The following GPC5 variants were observed in gnomAD, a reference collection of about 807,000 sequenced individuals.
The protein encoded by GPC5 is glypican-5.
GPC5 carries 47 observed loss-of-function variants against 53.9 expected under a neutral mutation model. That is an observed-to-expected ratio of 0.87 (90% CI 0.69 to 1.11). The LOEUF (loss-of-function observed/expected upper bound fraction) is 1.11. Among genes scored for constraint, GPC5 ranks in the 50% most tolerant of loss-of-function variants. The pLI, the probability that GPC5 is intolerant of heterozygous loss-of-function variation, is 0.00. For synonymous variants in GPC5, 286 were observed against 263.3 expected (o/e 1.09, Z -0.84); for missense variants, 748 against 713.1 (o/e 1.05, Z -0.56).
At chr13:92,142,566 CA>C (rs2041839397) in intron 6 of GPC5, among the ~76,000 whole-genome samples, 1 of 152,168 alleles carries the variant, frequency 6.6e-6, no homozygotes, top group Non-Finnish European at 1.5e-5. Context: ...ACAATAATTA[CA>C]AATAAATGAA....
intron 2 of GPC5, among the ~76,000 whole-genome samples, chr13:91,479,605 AT>A (rs1883196098): frequency 6.6e-6 from 1 of 152,168 alleles, no homozygotes; most frequent in South Asian, 2.1e-4. Context: ...TACATATATA[AT>A]GCTTGAGTCA....
chr13:92,102,777 C>T (rs1035919548), intron 6 of GPC5, among the ~76,000 whole-genome samples: 1 of 152,166 alleles, frequency 6.6e-6, no homozygotes, highest in Non-Finnish European at 1.5e-5. Context: ...TTCACATGGT[C>T]TGTACCTCAG....
intron 6 of GPC5, among the ~76,000 whole-genome samples, chr13:92,046,411 A>G (rs926664835): frequency 5.3e-5 from 8 of 152,176 alleles, no homozygotes; most frequent in Non-Finnish European, 1.2e-4. Context: ...CTCATGTTAT[A>G]TTTTGAAAAC....
At chr13:92,489,291 T>C (rs1288997461) in intron 7 of GPC5, among the ~76,000 whole-genome samples, 1 of 152,216 alleles carries the variant, frequency 6.6e-6, no homozygotes, top group Non-Finnish European at 1.5e-5. Flanking sequence ...AGTATTAGTA[T>C]GTGCAGGGCT....
At chr13:92,711,639 T>A (rs1057223009) in intron 7 of GPC5, among the ~76,000 whole-genome samples, 21 of 152,190 alleles carry the variant, frequency 1.4e-4, no homozygotes, top group Non-Finnish European at 2.2e-4. Flanking sequence ...GAACACATAT[T>A]ATTTTCAAGA....
chr13:92,363,636 TG>T (rs1354175152), intron 7 of GPC5, among the ~76,000 whole-genome samples: 1 of 151,732 alleles, frequency 6.6e-6, no homozygotes, highest in Non-Finnish European at 1.5e-5. Context: ...GTCCAGGGCC[TG>T]GGGGTTTGGG....
intron 6 of GPC5, among the ~76,000 whole-genome samples, chr13:91,977,962 AG>A: frequency 7.1e-6 from 1 of 141,590 alleles, no homozygotes; most frequent in African/African-American, 3.0e-5. Flanking sequence ...GAAAAAAGAA[AG>A]AAAGAAAGAA....
chr13:91,919,389 T>C (rs1346224421), intron 6 of GPC5, among the ~76,000 whole-genome samples: 1 of 152,222 alleles, frequency 6.6e-6, no homozygotes, highest in Non-Finnish European at 1.5e-5. Flanking sequence ...ATTGCCAAAG[T>C]AAAGTCACTA....
intron 5 of GPC5, among the ~76,000 whole-genome samples, chr13:91,845,467 T>C (rs1303794020): frequency 6.6e-6 from 1 of 152,204 alleles, no homozygotes; most frequent in African/African-American, 2.4e-5. Context: ...CTCACATAGT[T>C]ACCTTTTTGT....
chr13:92,215,175 A>G (rs2042401146), intron 7 of GPC5, among the ~76,000 whole-genome samples: 1 of 152,198 alleles, frequency 6.6e-6, no homozygotes, highest in South Asian at 2.1e-4. Context: ...AAAAACAGGG[A>G]GGTGGAAGTA....
At chr13:92,034,161 A>G (rs1364572187) in intron 6 of GPC5, among the ~76,000 whole-genome samples, 1 of 152,216 alleles carries the variant, frequency 6.6e-6, no homozygotes, top group Admixed American at 6.5e-5. Flanking sequence ...TCTATAATTT[A>G]ATATGGCAAA....
chr13:92,703,502 T>C (rs1369772585), intron 7 of GPC5, among the ~76,000 whole-genome samples: 1 of 151,444 alleles, frequency 6.6e-6, no homozygotes, highest in African/African-American at 2.4e-5. Flanking sequence ...CATATAGAAC[T>C]CTTTGAATCT....
chr13:92,315,061 GC>G (rs2043169954), intron 7 of GPC5, among the ~76,000 whole-genome samples: 2 of 152,154 alleles, frequency 1.3e-5, no homozygotes, highest in Admixed American at 1.3e-4. Flanking sequence ...ACAGGTATGA[GC>G]CACTGCTCCT....
intron 7 of GPC5, among the ~76,000 whole-genome samples, chr13:92,313,266 C>T (rs7998166): frequency 0.47 from 70,980 of 151,960 alleles, 17,863 homozygotes; most frequent in African/African-American, 0.67. Context: ...GAAGTAGAAC[C>T]TCATGCCAGT....
At chr13:92,015,055 C>G (rs912202253) in intron 6 of GPC5, among the ~76,000 whole-genome samples, 4 of 152,032 alleles carry the variant, frequency 2.6e-5, no homozygotes, top group South Asian at 4.1e-4. Flanking sequence ...TAGTAAGTAC[C>G]TTAAACCAGT....
At chr13:91,424,973 C>T (rs1437134856) in intron 1 of GPC5, among the ~76,000 whole-genome samples, 1 of 152,110 alleles carries the variant, frequency 6.6e-6, no homozygotes, top group African/African-American at 2.4e-5. Context: ...TCAATTAATA[C>T]TAGAATCTGG....
At chr13:91,575,277 A>G (rs1015869782) in intron 2 of GPC5, among the ~76,000 whole-genome samples, 1 of 152,180 alleles carries the variant, frequency 6.6e-6, no homozygotes, top group African/African-American at 2.4e-5. Context: ...CTTAAATTAT[A>G]GTATAAAATG....
intron 5 of GPC5, among the ~76,000 whole-genome samples, chr13:91,801,950 C>A (rs1177031021): frequency 3.3e-5 from 5 of 152,130 alleles, no homozygotes; most frequent in African/African-American, 1.2e-4. Context: ...TTCTTTGTTG[C>A]GTTTTCTGCC....
At chr13:91,726,155 T>C (rs55702404) in intron 3 of GPC5, among the ~76,000 whole-genome samples, 26,599 of 152,102 alleles carry the variant, frequency 0.17, 2,570 homozygotes, top group East Asian at 0.35. Context: ...AAGTGGAAAT[T>C]CACTTTGAGC....
Sources: allele counts gnomAD v4.1 joint callset (sites outside exome capture counted in the v4.1 genomes callset), GRCh38; gene constraint gnomAD v4.1.1; transcripts MANE v1.5; gene names NCBI Gene and HGNC (gene_info 2026-07-23, HGNC 2026-07-21).